SLC36A1: variants seen among roughly 807,000 people sequenced by gnomAD.
SLC36A1 encodes the protein solute carrier family 36 member 1.
In SLC36A1, 30 loss-of-function variants were observed where a neutral mutation model predicts 47.5. The ratio of observed to expected loss-of-function variants is 0.63; its 90% confidence interval spans 0.47 to 0.86. The LOEUF is 0.86. SLC36A1 is among the 40% of genes least tolerant of loss of function. The pLI, the probability that SLC36A1 is intolerant of heterozygous loss-of-function variation, is 0.00. For synonymous variants in SLC36A1, 255 were observed against 249.7 expected, an observed-to-expected ratio of 1.02 and a Z score of -0.20; for missense variants, 517 against 606.0, an observed-to-expected ratio of 0.85 and a Z score of 1.54.
At chr5:151,354,957 C>A in the SLC36A1 span, among the ~76,000 whole-genome samples, 41,423 of 151,888 alleles carry the variant, frequency 0.27, 7,084 homozygotes, top group African/African-American at 0.48. Context: ...TTCACCATAG[C>A]GGGGAAATAC....
At chr5:151,428,063 C>G in the SLC36A1 span, among the ~76,000 whole-genome samples, 1 of 152,154 alleles carries the variant, frequency 6.6e-6, no homozygotes, top group Non-Finnish European at 1.5e-5. Context: ...TTCAGCCTCC[C>G]GATTGTGGTG....
At chr5:151,459,710 A>ATTACCTTTTCTG (rs936446897) in intron 2 of SLC36A1, 6 of 152,130 alleles carry the variant, frequency 3.9e-5, no homozygotes, top group Non-Finnish European at 8.8e-5. Context: ...AAGCTTAGCT[A>ATTACCTTTTCTG]TTACCTTTTC....
the SLC36A1 span, among the ~76,000 whole-genome samples, chr5:151,384,096 C>G: frequency 6.6e-6 from 1 of 152,094 alleles, no homozygotes; most frequent in South Asian, 2.1e-4. Context: ...TCAAATTATT[C>G]TCTCTAAAAT....
the SLC36A1 span, among the ~76,000 whole-genome samples, chr5:151,502,440 A>T: frequency 6.7e-6 from 1 of 148,554 alleles, no homozygotes; most frequent in Non-Finnish European, 1.5e-5. Flanking sequence ...AAGAACTCTT[A>T]ATACTCAACA....
the SLC36A1 span, among the ~76,000 whole-genome samples, chr5:151,389,646 A>G: frequency 1.4e-5 from 2 of 146,568 alleles, no homozygotes; most frequent in Non-Finnish European, 3.0e-5. Flanking sequence ...CCATTGAGTG[A>G]GAACATGCGG....
the SLC36A1 span, chr5:151,381,862 A>G: frequency 4.4e-6 from 1 of 227,224 alleles, no homozygotes; most frequent in Non-Finnish European, 8.5e-6. Context: ...TTGAGTAATA[A>G]TAAGACTGGT....
chr5:151,544,110 A>G, the SLC36A1 span: 5 of 1,614,220 alleles, frequency 3.1e-6, no homozygotes, highest in East Asian at 2.2e-5. Context: ...GTTGGGCTTC[A>G]TAATCCAGTT....
intron 1 of SLC36A1, among the ~76,000 whole-genome samples, chr5:151,437,630 T>G (rs1442353493): frequency 6.6e-6 from 1 of 152,224 alleles, no homozygotes; most frequent in African/African-American, 2.4e-5. Flanking sequence ...TCTCGTACTT[T>G]ACTTCTCAAT....
the SLC36A1 span, among the ~76,000 whole-genome samples, chr5:151,498,036 C>G: frequency 6.6e-6 from 1 of 151,928 alleles, no homozygotes; most frequent in Non-Finnish European, 1.5e-5. Context: ...ACCTCCACCT[C>G]CTGGGTTCAA....
At chr5:151,349,919 G>A in the SLC36A1 span, among the ~76,000 whole-genome samples, 1 of 152,300 alleles carries the variant, frequency 6.6e-6, no homozygotes, top group South Asian at 2.1e-4. Context: ...GCTGAAGTTT[G>A]AGTCCACTGT....
the SLC36A1 span, chr5:151,542,928 C>G: frequency 6.2e-7 from 1 of 1,614,230 alleles, no homozygotes; most frequent in Non-Finnish European, 8.5e-7. Flanking sequence ...CCTTGTTGCT[C>G]TCAGGTGTAG....
chr5:151,518,655 A>G, the SLC36A1 span, among the ~76,000 whole-genome samples: 3 of 152,232 alleles, frequency 2.0e-5, no homozygotes, highest in African/African-American at 7.2e-5. Context: ...GATAGACTGT[A>G]TGGCCAAAAC....
At chr5:151,360,096 A>G in the SLC36A1 span, among the ~76,000 whole-genome samples, 1 of 152,138 alleles carries the variant, frequency 6.6e-6, no homozygotes, top group African/African-American at 2.4e-5. Context: ...TCTTTTTAAA[A>G]TTTTATTTTT....
chr5:151,544,830 C>G, the SLC36A1 span: 2 of 1,614,216 alleles, frequency 1.2e-6, no homozygotes, highest in Non-Finnish European at 1.7e-6. Flanking sequence ...CATTTGTCCC[C>G]AAGTCCTCAT....
At chr5:151,403,112 A>G in the SLC36A1 span, among the ~76,000 whole-genome samples, 8 of 151,898 alleles carry the variant, frequency 5.3e-5, no homozygotes, top group Non-Finnish European at 1.0e-4. Context: ...CGTTAATTTG[A>G]GATCTTTCTA....
the SLC36A1 span, among the ~76,000 whole-genome samples, chr5:151,417,313 A>G: frequency 6.6e-6 from 1 of 152,222 alleles, no homozygotes; most frequent in African/African-American, 2.4e-5. Flanking sequence ...TGCTTTGACC[A>G]AAATACTGAC....
chr5:151,454,707 C>A (rs1017869599), intron 1 of SLC36A1, among the ~76,000 whole-genome samples: 148 of 127,898 alleles, frequency 1.2e-3, no homozygotes, highest in African/African-American at 4.1e-3. Context: ...ATCCATGTGA[C>A]AGCTTTTTTT....
the SLC36A1 span, among the ~76,000 whole-genome samples, chr5:151,351,655 TATC>T: frequency 4.6e-5 from 7 of 151,870 alleles, no homozygotes; most frequent in East Asian, 1.9e-4. Flanking sequence ...TAATGACAGT[TATC>T]ATCATCATCA....
At chr5:151,448,351 T>G (rs1007745120) in intron 1 of SLC36A1, among the ~76,000 whole-genome samples, 4 of 152,244 alleles carry the variant, frequency 2.6e-5, no homozygotes, top group African/African-American at 7.2e-5. Context: ...TGCGGGAAAC[T>G]TCACCTGTGA....
Sources: allele counts gnomAD v4.1 joint callset (sites outside exome capture counted in the v4.1 genomes callset), GRCh38; gene constraint gnomAD v4.1.1; transcripts MANE v1.5; gene names NCBI Gene and HGNC (gene_info 2026-07-23, HGNC 2026-07-21).